Variants in KCNQ5 observed in about 807,000 individuals in gnomAD.
The protein encoded by KCNQ5 is potassium voltage-gated channel subfamily Q member 5, also known as potassium voltage-gated channel subfamily KQT member 5.
In KCNQ5, 30 loss-of-function variants were observed where a neutral mutation model predicts 98.2. The observed-to-expected ratio is 0.31, with a 90% CI of 0.23 to 0.41. KCNQ5 has a LOEUF of 0.41. Among genes scored for constraint, KCNQ5 ranks in the 10% least tolerant of loss-of-function variants. The pLI is 1.00. For synonymous variants in KCNQ5, 458 were observed against 449.4 expected (o/e 1.02, Z -0.24); for missense variants, 835 against 1,182.5 (o/e 0.71, Z 4.31).
intron 1 of KCNQ5, among the ~76,000 whole-genome samples, chr6:72,807,164 CAG>C (rs1172208533): frequency 1.3e-5 from 2 of 151,986 alleles, no homozygotes; most frequent in Admixed American, 6.6e-5. Context: ...AATATTGAAA[CAG>C]TGAATTTTGA....
intron 1 of KCNQ5, among the ~76,000 whole-genome samples, chr6:72,759,173 A>G (rs1772126373): frequency 6.6e-6 from 1 of 152,154 alleles, no homozygotes; most frequent in Non-Finnish European, 1.5e-5. Context: ...CATTAAATCC[A>G]AAAGCTTTGG....
intron 1 of KCNQ5, among the ~76,000 whole-genome samples, chr6:72,743,922 A>G (rs1160733221): frequency 6.6e-6 from 1 of 152,158 alleles, no homozygotes; most frequent in Non-Finnish European, 1.5e-5. Flanking sequence ...AGTGAATATA[A>G]TCTTAGCCCA....
intron 1 of KCNQ5, among the ~76,000 whole-genome samples, chr6:72,727,066 T>A (rs995187122): frequency 3.3e-5 from 5 of 152,242 alleles, no homozygotes; most frequent in Non-Finnish European, 2.9e-5. Context: ...AATACTTCAG[T>A]AAGGATTTCA....
intron 2 of KCNQ5, among the ~76,000 whole-genome samples, chr6:73,014,161 T>A (rs1404644206): frequency 6.6e-6 from 1 of 152,126 alleles, no homozygotes; most frequent in Non-Finnish European, 1.5e-5. Flanking sequence ...AGCATTGTAT[T>A]TCCCACCTTT....
intron 1 of KCNQ5, among the ~76,000 whole-genome samples, chr6:72,801,685 AT>A (rs2150093935): frequency 6.8e-6 from 1 of 147,188 alleles, no homozygotes; most frequent in East Asian, 2.0e-4. Flanking sequence ...TTAGCTGGTT[AT>A]TTTGCTCGTT....
chr6:72,783,472 A>G (rs748974962), intron 1 of KCNQ5, among the ~76,000 whole-genome samples: 10 of 152,234 alleles, frequency 6.6e-5, no homozygotes, highest in Non-Finnish European at 1.3e-4. Flanking sequence ...AATATGCAAG[A>G]CATATTCAAG....
At chr6:72,816,510 C>T (rs1187505262) in intron 1 of KCNQ5, among the ~76,000 whole-genome samples, 1 of 152,052 alleles carries the variant, frequency 6.6e-6, no homozygotes, top group Admixed American at 6.6e-5. Context: ...TTTCCAGTGC[C>T]CCATAAAGGA....
intron 1 of KCNQ5, among the ~76,000 whole-genome samples, chr6:72,768,421 C>G (rs1349660938): frequency 1.3e-5 from 2 of 151,858 alleles, no homozygotes; most frequent in Non-Finnish European, 2.9e-5. Flanking sequence ...TGAAGACAAA[C>G]AGAATATGGG....
intron 1 of KCNQ5, among the ~76,000 whole-genome samples, chr6:72,673,397 ATG>A (rs1767239943): frequency 6.6e-6 from 1 of 152,232 alleles, no homozygotes; most frequent in South Asian, 2.1e-4. Context: ...GGAAAGTAAA[ATG>A]TCCAATTTTT....
chr6:72,920,344 T>C (rs925542288), intron 1 of KCNQ5, among the ~76,000 whole-genome samples: 1 of 152,158 alleles, frequency 6.6e-6, no homozygotes, highest in African/African-American at 2.4e-5. Flanking sequence ...AGTCAGTCTG[T>C]CCATCTGTGT....
At chr6:72,623,763 C>G (rs1418940474) in intron 1 of KCNQ5, among the ~76,000 whole-genome samples, 1 of 152,114 alleles carries the variant, frequency 6.6e-6, no homozygotes. Flanking sequence ...TGCAGATACT[C>G]GCTGATACAT....
At chr6:72,997,615 A>T (rs575821912) in intron 1 of KCNQ5, among the ~76,000 whole-genome samples, 153 of 150,836 alleles carry the variant, frequency 1.0e-3, no homozygotes, top group African/African-American at 3.7e-3. Flanking sequence ...CTCTACTAAA[A>T]ATACAAAAAA....
At chr6:72,626,502 C>G (rs2098918044) in intron 1 of KCNQ5, among the ~76,000 whole-genome samples, 1 of 152,098 alleles carries the variant, frequency 6.6e-6, no homozygotes, top group African/African-American at 2.4e-5. Context: ...TGATGCTGAC[C>G]ATAGAATCTT....
At chr6:72,799,788 A>G (rs764058287) in intron 1 of KCNQ5, among the ~76,000 whole-genome samples, 2 of 152,184 alleles carry the variant, frequency 1.3e-5, no homozygotes, top group African/African-American at 2.4e-5. Flanking sequence ...CACATTCTGC[A>G]TGCCATACCT....
intron 10 of KCNQ5, among the ~76,000 whole-genome samples, chr6:73,163,209 CA>C (rs1344119025): frequency 6.6e-6 from 1 of 151,026 alleles, no homozygotes; most frequent in Non-Finnish European, 1.5e-5. Flanking sequence ...GGCAACATAA[CA>C]AGACCTCTCC....
At chr6:72,893,483 G>GAC (rs1257771488) in intron 1 of KCNQ5, among the ~76,000 whole-genome samples, 1 of 152,126 alleles carries the variant, frequency 6.6e-6, no homozygotes, top group East Asian at 1.9e-4. Context: ...AGAAAATTTT[G>GAC]ACACACATCT....
At chr6:73,095,164 AC>A (rs1470184331) in intron 5 of KCNQ5, among the ~76,000 whole-genome samples, 1 of 152,030 alleles carries the variant, frequency 6.6e-6, no homozygotes, top group Non-Finnish European at 1.5e-5. Flanking sequence ...TAACTGAAAG[AC>A]CTTGTCTTAG....
intron 1 of KCNQ5, among the ~76,000 whole-genome samples, chr6:72,864,654 T>C (rs1042212588): frequency 3.3e-5 from 5 of 152,112 alleles, no homozygotes; most frequent in African/African-American, 1.2e-4. Context: ...AATAATAACA[T>C]CACTACATAA....
At position 73,124,508 on chromosome 6, in the gene KCNQ5, A is replaced by G. The variant is rs141778969; in HGVS notation, c.1243A>G (p.Ser415Gly). The G allele has an allele frequency of 6.2e-7, 1 of 1,613,418 alleles. No individual in the cohort carries two copies. Among genetic ancestry groups the G allele is most frequent in the Non-Finnish European group, 8.5e-7 (1 of 1,179,554 alleles). ...PTKKEQGEAS[S>G]SQKLSFKERV... ...AAGGAAAGAACAAGGGGAAGCATCAAGCAGGTTTGTGATTTCTCTCTTGCT... is the reference window on the plus strand; with the variant it reads ...AAGGAAAGAACAAGGGGAAGCATCAGGCAGGTTTGTGATTTCTCTCTTGCT... Residue 415 changes from serine (S) to glycine (G), a missense_variant, in exon 9 of 14, where the codon AGC (serine) becomes GGC (glycine). Around this residue, in one of 10 missense-constraint regions of KCNQ5, gnomAD observed 146 missense variants for 256.7 expected, o/e 0.57. Coordinates refer to ENST00000370398, the MANE Select transcript of KCNQ5 (RefSeq NM_019842.4).
Sources: allele counts gnomAD v4.1 joint callset (sites outside exome capture counted in the v4.1 genomes callset), GRCh38; gene constraint gnomAD v4.1.1; regional missense constraint gnomAD v4.1.1; transcripts MANE v1.5; gene names NCBI Gene and HGNC (gene_info 2026-07-23, HGNC 2026-07-21).